The following DACH2 variants were observed in gnomAD, a reference collection of about 807,000 sequenced individuals.
The protein encoded by DACH2 is dachshund homolog 2.
DACH2 carries 17 observed loss-of-function variants against 35.8 expected under a neutral mutation model. That is an observed-to-expected ratio of 0.48 (90% CI 0.33 to 0.71). DACH2 has a LOEUF of 0.71. Among genes scored for constraint, DACH2 ranks in the 30% least tolerant of loss-of-function variants. The pLI, the probability that DACH2 is intolerant of heterozygous loss-of-function variation, is 0.02. For missense variants in DACH2, 469 were observed against 472.7 expected, an observed-to-expected ratio of 0.99 and a Z score of 0.07; for synonymous variants, 195 against 177.3, an observed-to-expected ratio of 1.10 and a Z score of -0.79.
At chrX:86,609,723 TTC>T (rs1343095019) in intron 3 of DACH2, among the ~76,000 whole-genome samples, 1 of 111,640 alleles carries the variant, frequency 9.0e-6, no homozygotes, top group Non-Finnish European at 1.9e-5. Flanking sequence ...AGAGATACCT[TTC>T]TGATAGTTTT....
At position 86,376,825 on chromosome X, in the gene DACH2, A is replaced by G; in HGVS notation, c.490A>G (p.Arg164Gly). 1 of 1,011,033 alleles carries G rather than the reference A, an allele frequency of 9.9e-7. No homozygotes were observed. The highest frequency in any genetic ancestry group is 1.4e-6 in the Non-Finnish European group (1 of 724,021). The allele number at this position is 1,011,033 out of a possible 1,213,427, so 83.3% of individuals were successfully genotyped here. A position where few individuals can be genotyped will look rare whatever the true frequency, so the allele number is the denominator to read the frequency against. Residue 164 changes from arginine (R) to glycine (G), a missense_variant and splice_region_variant, in exon 2 of 12, where the codon AGG (arginine) becomes GGG (glycine). By Grantham distance (125) the Arg-to-Gly change is moderately radical (BLOSUM62 -2). Around this residue, in one of 3 missense-constraint regions of DACH2, gnomAD observed 363 missense variants for 334.4 expected, o/e 1.09. Coordinates refer to ENST00000373125, the MANE Select transcript of DACH2 (RefSeq NM_053281.3). The part of the protein sequence containing the change: ...TLFTDCTNAR[R>G]KRQMTRKQAV... Reference sequence around the variant, plus strand: ...TTTTCTGCTACACTCTCCTTTTAGAAGGAAGAGGCAAATGACAAGAAAACA... The same window carrying G: ...TTTTCTGCTACACTCTCCTTTTAGAGGGAAGAGGCAAATGACAAGAAAACA...
chrX:86,321,540 C>A (rs1234848621), intron 1 of DACH2, among the ~76,000 whole-genome samples: 1 of 111,948 alleles, frequency 8.9e-6, no homozygotes, highest in Admixed American at 9.5e-5. Flanking sequence ...GTTTCCTTTT[C>A]CATTCATCTA....
intron 3 of DACH2, among the ~76,000 whole-genome samples, chrX:86,521,037 G>A (rs1431788097): frequency 1.8e-5 from 2 of 111,673 alleles, no homozygotes; most frequent in Non-Finnish European, 3.8e-5. Flanking sequence ...TTAGCTGGCA[G>A]TGGTCTTCCC....
At chrX:86,166,192 A>G (rs2030938082) in intron 1 of DACH2, among the ~76,000 whole-genome samples, 1 of 110,730 alleles carries the variant, frequency 9.0e-6, no homozygotes, top group Non-Finnish European at 1.9e-5. Context: ...ATTGGTGTAT[A>G]TGTCTGTTTT....
intron 1 of DACH2, among the ~76,000 whole-genome samples, chrX:86,239,059 C>T (rs1378639437): frequency 9.0e-6 from 1 of 111,259 alleles, no homozygotes; most frequent in Non-Finnish European, 1.9e-5. Context: ...CACTTCTCTG[C>T]TAACAGAGAA....
chrX:86,472,076 G>A (rs2037769276), intron 2 of DACH2, among the ~76,000 whole-genome samples: 2 of 111,950 alleles, frequency 1.8e-5, no homozygotes, highest in Non-Finnish European at 3.8e-5. Context: ...TAGAATGAAT[G>A]CGGATTATTA....
intron 11 of DACH2, chrX:86,829,583 C>A: frequency 8.9e-6 from 1 of 111,783 alleles, no homozygotes; most frequent in East Asian, 2.8e-4. Context: ...GGGCAAGTCT[C>A]ACATTTACTT....
intron 3 of DACH2, among the ~76,000 whole-genome samples, chrX:86,533,985 A>G (rs2038761175): frequency 8.9e-6 from 1 of 112,208 alleles, no homozygotes; most frequent in African/African-American, 3.2e-5. Flanking sequence ...TTAGACTCCT[A>G]AGAGTTTCTG....
chrX:86,746,792 A>G (rs1011509110), intron 7 of DACH2, among the ~76,000 whole-genome samples: 2 of 110,918 alleles, frequency 1.8e-5, no homozygotes, highest in Admixed American at 9.6e-5. Context: ...CAATTTATCT[A>G]TTTTTTGACA....
intron 3 of DACH2, among the ~76,000 whole-genome samples, chrX:86,617,614 G>C (rs1365880368): frequency 9.0e-6 from 1 of 111,164 alleles, no homozygotes; most frequent in African/African-American, 3.3e-5. Context: ...GGTAACATTT[G>C]TATCAACCTT....
At chrX:86,726,491 T>C (rs1291769) in intron 6 of DACH2, among the ~76,000 whole-genome samples, 24,859 of 110,258 alleles carry the variant, frequency 0.23, 2,345 homozygotes, top group Admixed American at 0.44. Flanking sequence ...GAGATTGTCC[T>C]AGGGGTGTGT....
intron 6 of DACH2, among the ~76,000 whole-genome samples, chrX:86,716,689 G>A (rs2041340534): frequency 8.9e-6 from 1 of 112,065 alleles, no homozygotes; most frequent in Non-Finnish European, 1.9e-5. Flanking sequence ...TATTTTGTTT[G>A]AATGTTTGAG....
intron 1 of DACH2, among the ~76,000 whole-genome samples, chrX:86,217,095 TAAAA>T (rs11323790): frequency 1.1e-5 from 1 of 88,612 alleles, no homozygotes. Flanking sequence ...ATCTCAAAAA[TAAAA>T]AAAAAAAAAA....
chrX:86,798,743 C>A (rs1412026242), intron 7 of DACH2: 2 of 124,535 alleles, frequency 1.6e-5, no homozygotes, highest in Non-Finnish European at 1.6e-5. Context: ...CTGGGCATAA[C>A]CGTTCTTATG....
intron 4 of DACH2, among the ~76,000 whole-genome samples, chrX:86,674,806 C>A (rs1325836917): frequency 9.0e-6 from 1 of 110,718 alleles, no homozygotes; most frequent in Non-Finnish European, 1.9e-5. Flanking sequence ...GCAATCTGGG[C>A]TCATCATCCA....
chrX:86,627,245 A>G (rs1230208683), intron 3 of DACH2, among the ~76,000 whole-genome samples: 1 of 111,931 alleles, frequency 8.9e-6, no homozygotes, highest in African/African-American at 3.2e-5. Context: ...GGGCAGTGGC[A>G]AAATACTGCC....
At chrX:86,700,692 A>AC (rs1399246253) in intron 5 of DACH2, among the ~76,000 whole-genome samples, 1 of 110,388 alleles carries the variant, frequency 9.1e-6, no homozygotes, top group Non-Finnish European at 1.9e-5. Context: ...AGAAATACAA[A>AC]AAAAATCCTC....
intron 1 of DACH2, among the ~76,000 whole-genome samples, chrX:86,314,185 G>A (rs191209265): frequency 2.2e-3 from 242 of 110,625 alleles, no homozygotes; most frequent in African/African-American, 7.8e-3. Context: ...AAGCATTTAA[G>A]TGAAAGGAAG....
At chrX:86,189,891 C>A (rs1237040949) in intron 1 of DACH2, among the ~76,000 whole-genome samples, 1 of 110,448 alleles carries the variant, frequency 9.1e-6, no homozygotes, top group Non-Finnish European at 1.9e-5. Context: ...TGGCTGGGCA[C>A]GGTGGCTCAA....
Sources: gnomAD v4.1 joint callset for allele counts (sites outside exome capture counted in the v4.1 genomes callset) on GRCh38, gnomAD v4.1.1 for gene constraint, gnomAD v4.1.1 regional missense constraint, MANE v1.5 for transcripts, NCBI Gene and HGNC (gene_info 2026-07-23, HGNC 2026-07-21) for gene names.